Variants in PLCL1 observed in about 807,000 individuals in gnomAD.
The protein encoded by PLCL1 is inactive phospholipase C-like protein 1.
A neutral mutation model predicts 84.4 loss-of-function variants in PLCL1; 41 were observed. The observed-to-expected ratio is 0.49, with a 90% CI of 0.38 to 0.63. The LOEUF is 0.63. Among genes scored for constraint, PLCL1 ranks in the 30% least tolerant of loss-of-function variants. The probability of loss-of-function intolerance (pLI) is 0.00; values close to 1 mark genes in which losing one functional copy is unlikely to be tolerated. For synonymous variants in PLCL1, 490 were observed against 488.3 expected (o/e 1.00, Z -0.05); for missense variants, 1,206 against 1,367.8 (o/e 0.88, Z 1.87).
intron 1 of PLCL1, among the ~76,000 whole-genome samples, chr2:197,958,914 C>CTT (rs1160706957): frequency 1.7e-5 from 2 of 117,378 alleles, no homozygotes; most frequent in Non-Finnish European, 3.7e-5. Flanking sequence ...GTGCACTAAT[C>CTT]TGTATTGCCT....
At chr2:198,137,750 C>T (rs572458745) in intron 5 of PLCL1, among the ~76,000 whole-genome samples, 1 of 152,300 alleles carries the variant, frequency 6.6e-6, no homozygotes, top group South Asian at 2.1e-4. Flanking sequence ...GCAATACATT[C>T]TTTTCCCTCA....
intron 1 of PLCL1, among the ~76,000 whole-genome samples, chr2:197,826,639 T>C (rs1205545508): frequency 6.6e-6 from 1 of 152,218 alleles, no homozygotes; most frequent in Non-Finnish European, 1.5e-5. Context: ...CATCTGTTCA[T>C]TGATGCTTCT....
At chr2:198,012,731 A>G (rs1690899956) in intron 1 of PLCL1, among the ~76,000 whole-genome samples, 2 of 150,452 alleles carry the variant, frequency 1.3e-5, no homozygotes, top group Non-Finnish European at 3.0e-5. Context: ...ATGTGTATAT[A>G]TAAAAATTTA....
At chr2:198,058,891 C>G (rs1692126155) in intron 1 of PLCL1, among the ~76,000 whole-genome samples, 1 of 152,128 alleles carries the variant, frequency 6.6e-6, no homozygotes, top group African/African-American at 2.4e-5. Flanking sequence ...CATGCAAAAA[C>G]AGATTATAGA....
chr2:197,871,251 G>T (rs1265200787), intron 1 of PLCL1, among the ~76,000 whole-genome samples: 2 of 152,102 alleles, frequency 1.3e-5, no homozygotes, highest in Admixed American at 1.3e-4. Context: ...ACCCCAAACA[G>T]ATCCTGTACT....
intron 5 of PLCL1, among the ~76,000 whole-genome samples, chr2:198,108,447 G>GA (rs1293047660): frequency 1.3e-5 from 2 of 151,796 alleles, no homozygotes; most frequent in Admixed American, 6.6e-5. Flanking sequence ...GAAGGAGCTG[G>GA]AAAAAAATGA....
intron 5 of PLCL1, among the ~76,000 whole-genome samples, chr2:198,136,585 T>C (rs536504469): frequency 2.0e-5 from 3 of 152,146 alleles, no homozygotes; most frequent in South Asian, 2.1e-4. Context: ...CTCCTGGGGT[T>C]CCACTCGTCA....
At chr2:197,855,017 C>T (rs1361309893) in intron 1 of PLCL1, among the ~76,000 whole-genome samples, 2 of 152,112 alleles carry the variant, frequency 1.3e-5, no homozygotes, top group Non-Finnish European at 2.9e-5. Context: ...GGATAAAGAT[C>T]CTTGTGTTAG....
At chr2:198,119,082 T>C (rs937366414) in intron 5 of PLCL1, among the ~76,000 whole-genome samples, 3 of 152,000 alleles carry the variant, frequency 2.0e-5, no homozygotes, top group Admixed American at 1.3e-4. Context: ...ATGTCAATTG[T>C]AACTCAGCTA....
intron 5 of PLCL1, among the ~76,000 whole-genome samples, chr2:198,141,506 A>G (rs1387493339): frequency 6.6e-6 from 1 of 151,750 alleles, no homozygotes; most frequent in Non-Finnish European, 1.5e-5. Flanking sequence ...GTCTAACATG[A>G]CATCAAAACA....
At chr2:198,110,268 C>A (rs968245942) in intron 5 of PLCL1, among the ~76,000 whole-genome samples, 1 of 151,822 alleles carries the variant, frequency 6.6e-6, no homozygotes, top group African/African-American at 2.4e-5. Flanking sequence ...TTCCCCATAA[C>A]GCTTTTGCTT....
chr2:197,954,770 T>C (rs1437791923), intron 1 of PLCL1, among the ~76,000 whole-genome samples: 1 of 152,094 alleles, frequency 6.6e-6, no homozygotes, highest in Non-Finnish European at 1.5e-5. Context: ...CTAACCATCT[T>C]TGTTCTTTCT....
chr2:198,065,068 A>G (rs1271065182), intron 1 of PLCL1, among the ~76,000 whole-genome samples: 1 of 152,210 alleles, frequency 6.6e-6, no homozygotes, highest in Non-Finnish European at 1.5e-5. Flanking sequence ...ATTGTAGGGA[A>G]TAATGGACAC....
In PLCL1 at chr2:198,112,644, T is replaced by G. The variant is rs936019213; in HGVS notation, c.3105+8708T>G. ...TCTAGGCAACATTTACTTCTTCAAT[T>G]TTCATTTTGTTGTAAAGTTTATTTC... is the stretch of plus-strand genomic sequence containing the variant. On this transcript the variant is annotated intron_variant, in intron 5 of 5. Coordinates refer to ENST00000428675, the MANE Select transcript of PLCL1 (RefSeq NM_006226.4). 8.6e-5 allele frequency among the ~76,000 whole-genome samples: 13 copies of G among 151,914 alleles called. 1 individual carries two copies. The highest frequency in any genetic ancestry group is 8.5e-4 in the Admixed American group (13 of 15,214).
chr2:197,878,743 C>T (rs1309712955), intron 1 of PLCL1, among the ~76,000 whole-genome samples: 4 of 152,050 alleles, frequency 2.6e-5, no homozygotes, highest in Admixed American at 1.3e-4. Flanking sequence ...TTTTCACCCT[C>T]GTTTGACTAG....
intron 1 of PLCL1, among the ~76,000 whole-genome samples, chr2:197,843,909 T>C (rs1299519305): frequency 6.6e-6 from 1 of 152,148 alleles, no homozygotes; most frequent in East Asian, 1.9e-4. Flanking sequence ...TTTTCATCTT[T>C]TTACCAGGCA....
intron 1 of PLCL1, among the ~76,000 whole-genome samples, chr2:198,005,695 A>T (rs1690712472): frequency 1.3e-5 from 2 of 152,296 alleles, no homozygotes; most frequent in Middle Eastern, 3.4e-3. Flanking sequence ...TGGTCAGGGA[A>T]GGCTGAGACT....
At chr2:198,023,818 G>C (rs901762080) in intron 1 of PLCL1, among the ~76,000 whole-genome samples, 2 of 152,094 alleles carry the variant, frequency 1.3e-5, no homozygotes, top group African/African-American at 4.8e-5. Flanking sequence ...ATTAGTTCAA[G>C]CATTGTGGAA....
chr2:197,891,321 T>G (rs1688022262), intron 1 of PLCL1, among the ~76,000 whole-genome samples: 1 of 152,180 alleles, frequency 6.6e-6, no homozygotes, highest in African/African-American at 2.4e-5. Flanking sequence ...TGAGACAGTC[T>G]TAAAGCATAA....
Sources: gnomAD v4.1 joint callset for allele counts (sites outside exome capture counted in the v4.1 genomes callset) on GRCh38, gnomAD v4.1.1 for gene constraint, MANE v1.5 for transcripts, NCBI Gene and HGNC (gene_info 2026-07-23, HGNC 2026-07-21) for gene names.